ADCY2: variants seen among roughly 807,000 people sequenced by gnomAD.
ADCY2 encodes the protein adenylate cyclase 2.
Under a neutral mutation model 125.2 loss-of-function variants are expected in ADCY2, and 31 were observed. The observed-to-expected ratio is 0.25, with a 90% CI of 0.19 to 0.33. ADCY2 has a LOEUF of 0.33. Ranked by LOEUF, ADCY2 falls within the 10% of genes least tolerant of loss-of-function variation. The probability of loss-of-function intolerance (pLI) is 1.00; values close to 1 mark genes in which losing one functional copy is unlikely to be tolerated. For synonymous variants in ADCY2, 512 were observed against 548.4 expected, an observed-to-expected ratio of 0.93 and a Z score of 0.93; for missense variants, 904 against 1,418.2, an observed-to-expected ratio of 0.64 and a Z score of 5.82.
intron 23 of ADCY2, among the ~76,000 whole-genome samples, chr5:7,817,919 AT>A (rs917469089): frequency 2.0e-5 from 3 of 147,108 alleles, no homozygotes; most frequent in Non-Finnish European, 3.0e-5. Flanking sequence ...CTTTAAGTTG[AT>A]TTTTTTTAGC....
At chr5:7,701,117 G>A (rs984117081) in intron 7 of ADCY2, among the ~76,000 whole-genome samples, 1 of 150,962 alleles carries the variant, frequency 6.6e-6, no homozygotes, top group Non-Finnish European at 1.5e-5. Flanking sequence ...TTTCAAATTT[G>A]TAACCTGCTG....
rs139459106 is a variant in ADCY2 at position 7,673,599 on chromosome 5, C to A, written c.721-17092C>A. Reference sequence around the variant, plus strand: ...TGCCCTGCAGGATGCATAGCAGCATCCCTGCCCTCTGCCCACTGGGTCCAA... The same window carrying A: ...TGCCCTGCAGGATGCATAGCAGCATACCTGCCCTCTGCCCACTGGGTCCAA... On this transcript the variant is annotated intron_variant, in intron 4 of 24. Transcript: ENST00000338316. Among the ~76,000 whole-genome samples, 358 of 152,250 alleles carry A rather than the reference C, an allele frequency of 2.4e-3. 4 individuals are homozygous for A. The highest frequency in any genetic ancestry group is 8.4e-3 in the African/African-American group (351 of 41,548).
chr5:7,756,383 CCCCG>C, intron 15 of ADCY2, among the ~76,000 whole-genome samples: 1 of 152,192 alleles, frequency 6.6e-6, no homozygotes, highest in Non-Finnish European at 1.5e-5. Context: ...GTTTCCCCAA[CCCCG>C]ATATGTATAG....
intron 3 of ADCY2, among the ~76,000 whole-genome samples, chr5:7,552,800 T>C (rs1232065474): frequency 6.6e-6 from 1 of 152,192 alleles, no homozygotes; most frequent in Non-Finnish European, 1.5e-5. Context: ...TTTTCTTAGG[T>C]TGCCCTTGTA....
intron 2 of ADCY2, among the ~76,000 whole-genome samples, chr5:7,474,269 TA>T (rs1398448042): frequency 6.6e-6 from 1 of 152,192 alleles, no homozygotes; most frequent in African/African-American, 2.4e-5. Flanking sequence ...GGAAGCTAGG[TA>T]CAGAGCTTTC....
At chr5:7,674,127 T>TGCTCCCTCCTGGCCCCCACG (rs1740035354) in intron 4 of ADCY2, among the ~76,000 whole-genome samples, 1 of 152,140 alleles carries the variant, frequency 6.6e-6, no homozygotes, top group Non-Finnish European at 1.5e-5. Context: ...TGACCCCCAC[T>TGCTCCCTCCTGGCCCCCACG]GCTCCCTCCT....
At position 7,403,611 on chromosome 5, in the gene ADCY2, A is replaced by G. The variant is rs570473100; in HGVS notation, c.210+7105A>G. On this transcript the variant is annotated intron_variant, in intron 1 of 24. Transcript: ENST00000338316. ...CTCTAGTTAGGAAATTTCTTTCTAT[A>G]TGCTCAACTAATTCCATTCTACTCT... Among the ~76,000 whole-genome samples the G allele has an allele frequency of 4.6e-5, 7 of 152,314 alleles. No homozygotes were observed. In the South Asian group the frequency reaches 1.5e-3, roughly 32 times the overall value.
intron 3 of ADCY2, among the ~76,000 whole-genome samples, chr5:7,600,717 G>A (rs982923171): frequency 1.3e-5 from 2 of 152,172 alleles, no homozygotes; most frequent in Non-Finnish European, 2.9e-5. Context: ...GACTGGCTGG[G>A]CACAGTGCAG....
At chr5:7,643,217 TG>T (rs1738772618) in intron 4 of ADCY2, among the ~76,000 whole-genome samples, 1 of 152,048 alleles carries the variant, frequency 6.6e-6, no homozygotes, top group African/African-American at 2.4e-5. Flanking sequence ...ATAATTTAAA[TG>T]TCTATTCTAA....
chr5:7,677,592 C>T (rs1221700771), intron 4 of ADCY2, among the ~76,000 whole-genome samples: 1 of 152,198 alleles, frequency 6.6e-6, no homozygotes, highest in Non-Finnish European at 1.5e-5. Flanking sequence ...TGAGTCTCCA[C>T]ATGGAGAAGA....
chr5:7,664,247 A>G (rs957846697), intron 4 of ADCY2, among the ~76,000 whole-genome samples: 3 of 152,252 alleles, frequency 2.0e-5, no homozygotes, highest in Non-Finnish European at 2.9e-5. Context: ...AAACTGTTCA[A>G]TGTGAAAAAC....
At chr5:7,645,275 T>C (rs370249866) in intron 4 of ADCY2, among the ~76,000 whole-genome samples, 3 of 152,300 alleles carry the variant, frequency 2.0e-5, no homozygotes, top group African/African-American at 7.2e-5. Context: ...GCCAGTGCTT[T>C]ATATCAGGAT....
intron 2 of ADCY2, among the ~76,000 whole-genome samples, chr5:7,435,434 T>C (rs1740761271): frequency 6.6e-6 from 1 of 152,136 alleles, no homozygotes; most frequent in African/African-American, 2.4e-5. Flanking sequence ...TACGACATAA[T>C]CAGAATTTCC....
chr5:7,428,098 AG>A lies in ADCY2; in HGVS notation c.408+13332del, dbSNP rs1261856994. 3.3e-5 allele frequency among the ~76,000 whole-genome samples: 5 copies of A among 152,326 alleles called. No homozygotes were observed. The South Asian group carries it at 1.0e-3, about 32-fold the overall frequency. On this transcript the variant is annotated intron_variant, in intron 2 of 24. Transcript: ENST00000338316. ...GCCTGTCTGCTATCATGCAGAGGGC[AG>A]GGGTCGGGGAGCTGAAAGGTGATTT...
At chr5:7,744,682 G>T (rs1348908408) in intron 15 of ADCY2, among the ~76,000 whole-genome samples, 1 of 152,266 alleles carries the variant, frequency 6.6e-6, no homozygotes, top group African/African-American at 2.4e-5. Context: ...ACCTGGGACA[G>T]AGAGGCCACT....
intron 18 of ADCY2, among the ~76,000 whole-genome samples, chr5:7,775,741 G>A (rs1457604731): frequency 1.3e-5 from 2 of 152,164 alleles, no homozygotes; most frequent in African/African-American, 4.8e-5. Flanking sequence ...TAGTTGCCTT[G>A]TGCTATGAAA....
intron 3 of ADCY2, among the ~76,000 whole-genome samples, chr5:7,545,824 G>A (rs11747117): frequency 2.0e-5 from 3 of 151,988 alleles, no homozygotes; most frequent in South Asian, 4.1e-4. Context: ...AATCCCTTCC[G>A]TATGGGCAGT....
intron 4 of ADCY2, among the ~76,000 whole-genome samples, chr5:7,656,050 T>C (rs1438721096): frequency 6.9e-6 from 1 of 145,312 alleles, no homozygotes; most frequent in African/African-American, 2.7e-5. Flanking sequence ...GTTTTTTTCA[T>C]TTTCTTTTTT....
At chr5:7,694,815 T>C (rs1406658160) in intron 5 of ADCY2, among the ~76,000 whole-genome samples, 2 of 152,204 alleles carry the variant, frequency 1.3e-5, no homozygotes, top group African/African-American at 4.8e-5. Flanking sequence ...CTGAATCATA[T>C]GGTATTTTGT....
Sources: gnomAD v4.1 joint callset for allele counts (sites outside exome capture counted in the v4.1 genomes callset) on GRCh38, gnomAD v4.1.1 for gene constraint, MANE v1.5 for transcripts, NCBI Gene and HGNC (gene_info 2026-07-23, HGNC 2026-07-21) for gene names.